Variants in BAIAP2L1 observed in about 807,000 individuals in gnomAD.
The protein encoded by BAIAP2L1 is BAR/IMD domain-containing adapter protein 2-like 1.
In BAIAP2L1, 35 loss-of-function variants were observed where a neutral mutation model predicts 66.3. The ratio of observed to expected loss-of-function variants is 0.53; its 90% CI spans 0.40 to 0.70. The LOEUF (loss-of-function observed/expected upper bound fraction) is 0.70. BAIAP2L1 is among the 30% of genes least tolerant of loss of function. The pLI is 0.00. For missense variants in BAIAP2L1, 622 were observed against 656.9 expected (o/e 0.95, Z 0.58); for synonymous variants, 269 against 248.7 (o/e 1.08, Z -0.77).
At chr7:98,311,340 G>A (rs1236685727) in intron 8 of BAIAP2L1, among the ~76,000 whole-genome samples, 1 of 151,730 alleles carries the variant, frequency 6.6e-6, no homozygotes, top group Non-Finnish European at 1.5e-5. Flanking sequence ...TCAGGAGATC[G>A]TGACCATCCT....
chr7:98,342,258 GC>G (rs1443877443), intron 3 of BAIAP2L1, among the ~76,000 whole-genome samples: 2 of 151,844 alleles, frequency 1.3e-5, no homozygotes, highest in Admixed American at 6.6e-5. Flanking sequence ...TGCCATGTTG[GC>G]CTAGCTGGTC....
rs535785821 is a variant in BAIAP2L1, at chr7:98,338,997, C to T, written c.214+16045G>A. Among the ~76,000 whole-genome samples the T allele has an allele frequency of 5.4e-4, 82 of 150,988 alleles. 2 individuals carry two copies. The South Asian group carries it at 0.016, about 29-fold the overall frequency. Reference sequence around the variant, plus strand: ...CTGAGGCAGGAGAATCGCTTGAACCCAGGAGGCAGAGGTTGAGGTGAGGTG... The same window carrying T: ...CTGAGGCAGGAGAATCGCTTGAACCTAGGAGGCAGAGGTTGAGGTGAGGTG... On this transcript the variant is annotated intron_variant, in intron 3 of 13. Transcript: ENST00000005260.
At chr7:98,356,603 C>T (rs1415246226) in intron 2 of BAIAP2L1, among the ~76,000 whole-genome samples, 1 of 148,790 alleles carries the variant, frequency 6.7e-6, no homozygotes, top group East Asian at 2.0e-4. Context: ...CTCAAAGGAT[C>T]CTTCTGCCTC....
intron 1 of BAIAP2L1, among the ~76,000 whole-genome samples, chr7:98,370,368 G>A (rs1293082041): frequency 2.7e-4 from 16 of 58,554 alleles, no homozygotes; most frequent in Non-Finnish European, 3.0e-4. Flanking sequence ...GTAAGGCTCC[G>A]TCTCAAAAAA....
intron 1 of BAIAP2L1, among the ~76,000 whole-genome samples, chr7:98,383,734 A>G (rs1802818395): frequency 6.6e-6 from 1 of 152,162 alleles, no homozygotes; most frequent in Non-Finnish European, 1.5e-5. Flanking sequence ...CATTCCACCA[A>G]CTCTGTAAAG....
At chr7:98,399,814 C>A (rs915423952) in intron 1 of BAIAP2L1, among the ~76,000 whole-genome samples, 1 of 152,208 alleles carries the variant, frequency 6.6e-6, no homozygotes, top group South Asian at 2.1e-4. Flanking sequence ...CGGCTATCAA[C>A]GCATTCCTTA....
intron 1 of BAIAP2L1, among the ~76,000 whole-genome samples, chr7:98,389,667 T>C (rs891588320): frequency 6.6e-6 from 1 of 152,116 alleles, no homozygotes; most frequent in African/African-American, 2.4e-5. Flanking sequence ...ATTACCACGC[T>C]TGTACCTCTT....
In BAIAP2L1 at chr7:98,293,058, T is replaced by G. The variant is rs1336761530; in HGVS notation, c.*463A>C. 1 of 830,530 alleles carries G rather than the reference T, an allele frequency of 1.2e-6. No homozygotes were observed. The highest frequency in any genetic ancestry group is 1.5e-6 in the Non-Finnish European group (1 of 668,464). 51.4% of individuals were successfully genotyped at this position (830,530 alleles called of 1,614,324 possible). A position where few individuals can be genotyped will look rare whatever the true frequency, so the allele number is the denominator to read the frequency against. ...TTTCATAATTTATATTGCTTAAAATTATGATTTGCATGCTAAGATGCAAAC... is the reference window on the plus strand; with the variant it reads ...TTTCATAATTTATATTGCTTAAAATGATGATTTGCATGCTAAGATGCAAAC... On this transcript the variant is annotated 3_prime_UTR_variant, in exon 14 of 14. Transcript: ENST00000005260.
intron 1 of BAIAP2L1, among the ~76,000 whole-genome samples, chr7:98,377,911 T>C (rs532344125): frequency 1.4e-5 from 2 of 140,084 alleles, no homozygotes; most frequent in South Asian, 4.7e-4. Flanking sequence ...GCGGATCACC[T>C]GAGGTCAGGA....
At chr7:98,339,995 G>A (rs144476896) in intron 3 of BAIAP2L1, among the ~76,000 whole-genome samples, 1 of 152,304 alleles carries the variant, frequency 6.6e-6, no homozygotes, top group African/African-American at 2.4e-5. Flanking sequence ...CTGACAGCGT[G>A]AGGACAGGGA....
In BAIAP2L1 at chr7:98,292,716, C is replaced by T. The variant is rs567181686; in HGVS notation, c.*805G>A. On this transcript the variant is annotated 3_prime_UTR_variant, in exon 14 of 14. Coordinates refer to ENST00000005260, the MANE Select transcript of BAIAP2L1 (RefSeq NM_018842.5). ...TTCAAACACGGAGAAACCAGGACCC[C>T]GAGCAGTTTGAGTGTACTGGTAATG... The T allele has an allele frequency of 1.0e-4, 159 of 1,551,580 alleles. No homozygotes were observed. The Middle Eastern group carries it at 2.7e-3, about 26-fold the overall frequency.
At chr7:98,332,809 CAAAAAA>C (rs55756451) in intron 3 of BAIAP2L1, among the ~76,000 whole-genome samples, 5 of 83,706 alleles carry the variant, frequency 6.0e-5, no homozygotes, top group African/African-American at 2.4e-4. Flanking sequence ...ACTTCGTCCC[CAAAAAA>C]AAAAAAAAAA....
At chr7:98,313,793 T>G in intron 7 of BAIAP2L1, among the ~76,000 whole-genome samples, 1 of 120,990 alleles carries the variant, frequency 8.3e-6, no homozygotes, top group South Asian at 2.6e-4. Flanking sequence ...TAATTAAAAC[T>G]TTTTTTTTTT....
rs1801687390 is a variant in BAIAP2L1 at position 98,339,402 on chromosome 7, CTTACTT to C, written c.214+15634_214+15639del. Among the ~76,000 whole-genome samples the C allele has an allele frequency of 2.0e-5, 3 of 152,170 alleles. No homozygotes were observed. The South Asian group carries it at 6.2e-4, about 31-fold the overall frequency. On this transcript the variant is annotated intron_variant, in intron 3 of 13. Coordinates refer to ENST00000005260, the MANE Select transcript of BAIAP2L1 (RefSeq NM_018842.5). ...ATCTTTTCATGTGCTTGTTGGCACT[CTTACTT>C]TTAACAGTTTTGTTAAGTCACTCGG...
At chr7:98,376,613 G>A (rs1167939258) in intron 1 of BAIAP2L1, among the ~76,000 whole-genome samples, 1 of 147,412 alleles carries the variant, frequency 6.8e-6, no homozygotes, top group Non-Finnish European at 1.5e-5. Flanking sequence ...CTGAGGTCAG[G>A]AGTTCGAGAC....
chr7:98,354,335 T>C (rs1221975686), intron 3 of BAIAP2L1, among the ~76,000 whole-genome samples: 4 of 152,164 alleles, frequency 2.6e-5, no homozygotes, highest in Non-Finnish European at 4.4e-5. Flanking sequence ...TAACTGGACA[T>C]GGATGCACTT....
chr7:98,296,572 T>C (rs1800200656), intron 12 of BAIAP2L1, among the ~76,000 whole-genome samples: 1 of 152,116 alleles, frequency 6.6e-6, no homozygotes, highest in Non-Finnish European at 1.5e-5. Context: ...TGTGGTGAGC[T>C]GAGATTGCAC....
At chr7:98,304,411 AAT>A (rs1800553249) in intron 11 of BAIAP2L1, 35 bp from the exon 12 acceptor site, 2 of 1,608,020 alleles carry the variant, frequency 1.2e-6, no homozygotes, top group Admixed American at 1.7e-5. Context: ...CGTGTTAGAT[AAT>A]GTCTCACCAC....
intron 3 of BAIAP2L1, among the ~76,000 whole-genome samples, chr7:98,341,819 CTCT>C (rs1264562609): frequency 6.6e-6 from 1 of 152,026 alleles, no homozygotes; most frequent in Non-Finnish European, 1.5e-5. Flanking sequence ...ATAAAATCTC[CTCT>C]TGTTTCTTTG....
Sources: allele counts gnomAD v4.1 joint callset (sites outside exome capture counted in the v4.1 genomes callset), GRCh38; gene constraint gnomAD v4.1.1; transcripts MANE v1.5; gene names NCBI Gene and HGNC (gene_info 2026-07-23, HGNC 2026-07-21).